PKD1: variants seen among roughly 807,000 people sequenced by gnomAD.
PKD1 encodes polycystin 1, transient receptor potential channel interacting.
In PKD1, 81 loss-of-function variants were observed where a neutral mutation model predicts 361.7. The observed-to-expected ratio is 0.22, with a 90% CI of 0.19 to 0.27. The LOEUF is 0.27. Among genes scored for constraint, PKD1 ranks in the 10% least tolerant of loss-of-function variants. The pLI, the probability that PKD1 is intolerant of heterozygous loss-of-function variation, is 1.00. For missense variants in PKD1, 6,399 were observed against 6,118.3 expected, an observed-to-expected ratio of 1.05 and a Z score of -1.53; for synonymous variants, 3,615 against 2,818.3, an observed-to-expected ratio of 1.28 and a Z score of -8.95.
At position 2,111,641 on chromosome 16, in the gene PKD1, C is replaced by A; in HGVS notation, c.3526G>T (p.Ala1176Ser). The change falls in exon 15 of 46, where the codon GCT becomes TCT. Residue 1176 changes from alanine to serine, a missense_variant. Coordinates refer to ENST00000262304, the MANE Select transcript of PKD1 (RefSeq NM_001009944.3). Reference protein sequence around the residue: ...GSPVLTQSQPAANHTYASRGT... With the variant: ...GSPVLTQSQPSANHTYASRGT... Reference sequence around the variant, plus strand: ...CTCGAGGCATAGGTGTGGTTGGCAGCCGGCTGGCTCTGGGTCAGGACAGGG... The same window carrying A: ...CTCGAGGCATAGGTGTGGTTGGCAGACGGCTGGCTCTGGGTCAGGACAGGG... The A allele has an allele frequency of 1.3e-6, 2 of 1,573,422 alleles. No individual in the cohort carries two copies. Among genetic ancestry groups the A allele is most frequent in the Non-Finnish European group, 1.7e-6 (2 of 1,160,814 alleles).
chr16:2,107,963 G>A lies in PKD1; in HGVS notation c.6985C>T (p.Arg2329Trp), dbSNP rs200433577. 76 of 1,547,978 alleles carry A rather than the reference G, an allele frequency of 4.9e-5. No individual in the cohort carries two copies. The highest frequency in any genetic ancestry group is 7.8e-5 in the Admixed American group (4 of 51,056). ...GTGTACTCCACGCCAGCCGCCAGCC[G>A]CTCCCGTGGAATGGTGACCGTGCTG... ...GSSTVTIPRERLAAGVEYTFS... is the reference protein window; with the variant it reads ...GSSTVTIPREWLAAGVEYTFS... Residue 2329 changes from arginine to tryptophan, a missense_variant, in exon 16 of 46, where the codon CGG (arginine) becomes TGG (tryptophan). Coordinates refer to ENST00000262304, the MANE Select transcript of PKD1 (RefSeq NM_001009944.3).
In PKD1 at chr16:2,109,388, T is replaced by C. The variant is rs1454041267; in HGVS notation, c.5779A>G (p.Asn1927Asp). The C allele has an allele frequency of 1.3e-6, 2 of 1,597,604 alleles. No homozygotes were observed. The highest frequency in any genetic ancestry group is 1.7e-6 in the Non-Finnish European group (2 of 1,177,516). ...VTFRLQVGGA[N>D]PEVLPGPRFS... ...CGGGGCCCGGGGAGCACCTCGGGGT[T>C]GGCCCCGCCGACCTGCAGGCGGAAG... Residue 1927 changes from asparagine (N) to aspartate (D), a missense_variant, in exon 15 of 46, where the codon AAC (asparagine) becomes GAC (aspartate). Transcript: ENST00000262304.
chr16:2,105,957 G>C lies in PKD1; in HGVS notation c.7771C>G (p.Leu2591Val), dbSNP rs776694943. ...AGCCCTGGGAGCACACTAGCGGTGA[G>C]CCCGTGCAGCCAGACTGTGAGCCCC... ...ATGLTVWLHG[L>V]TASVLPGLLR... The change falls in exon 20 of 46, where the codon CTC (leucine) becomes GTC (valine). Residue 2591 changes from leucine to valine, a missense_variant. By Grantham distance (32) the Leu-to-Val change is conservative (BLOSUM62 1). Coordinates refer to ENST00000262304, the MANE Select transcript of PKD1 (RefSeq NM_001009944.3). The C allele has an allele frequency of 3.9e-5, 63 of 1,599,576 alleles. No individual in the cohort carries two copies. The highest frequency in any genetic ancestry group is 5.3e-5 in the Non-Finnish European group (63 of 1,179,564).
chr16:2,105,684 C>A, intron 20 of PKD1, 181 bp downstream of exon 20: 3 of 1,333,298 alleles, frequency 2.3e-6, no homozygotes, highest in Non-Finnish European at 3.1e-6. Flanking sequence ...AAAGCAGACG[C>A]CGGAGAGGGC....
intron 1 of PKD1, chr16:2,119,991 C>T (rs1028334715): frequency 6.7e-6 from 4 of 594,756 alleles, no homozygotes; most frequent in African/African-American, 1.9e-5. Context: ...ACGGAAGGAT[C>T]GCCTGGGCCC....
At chr16:2,130,544 C>A (rs1445727333) in intron 1 of PKD1, among the ~76,000 whole-genome samples, 1 of 152,218 alleles carries the variant, frequency 6.6e-6, no homozygotes, top group Non-Finnish European at 1.5e-5. Flanking sequence ...CTGCTGAGGG[C>A]TCATGGAGGC....
chr16:2,091,983 G>A (rs199952780), intron 40 of PKD1, 64 bp downstream of exon 40: 14 of 1,612,124 alleles, frequency 8.7e-6, no homozygotes, highest in South Asian at 5.5e-5. Flanking sequence ...AGGAGGCCGC[G>A]GCACTCCTGG....
chr16:2,119,206 G>C (rs187091436), intron 2 of PKD1, 21 bp from the exon 3 acceptor site: 28 of 1,555,722 alleles, frequency 1.8e-5, no homozygotes, highest in Non-Finnish European at 2.3e-5. Context: ...CGGGGGATTC[G>C]GCAAAGCTGA....
In PKD1 at chr16:2,090,301, A is replaced by C; in HGVS notation, c.12428T>G (p.Leu4143Arg). The C allele has an allele frequency of 6.2e-7, 1 of 1,610,238 alleles. No homozygotes were observed. Among genetic ancestry groups the C allele is most frequent in the Non-Finnish European group, 8.5e-7 (1 of 1,178,290 alleles). ...FLRRLRLWMGLSKVKEFRHKV... is the reference protein window; with the variant it reads ...FLRRLRLWMGRSKVKEFRHKV... ...CGTACCCACCTCCTTGACCTTGCTGAGGCCCATCCAGAGGCGCAGCCTGCG... is the reference window on the plus strand; with the variant it reads ...CGTACCCACCTCCTTGACCTTGCTGCGGCCCATCCAGAGGCGCAGCCTGCG... Residue 4143 changes from leucine (L) to arginine (R), a missense_variant, in exon 45 of 46, where the codon CTC becomes CGC. Physicochemically the swap from Leu to Arg is moderately radical, Grantham distance 102 (BLOSUM62 -2). Transcript: ENST00000262304.
chr16:2,111,793 G>A lies in PKD1; in HGVS notation c.3374C>T (p.Ser1125Phe), dbSNP rs766126548. The change falls in exon 15 of 46, where the codon TCC becomes TTC. Residue 1125 changes from serine to phenylalanine, a missense_variant. Transcript: ENST00000262304. Reference sequence around the variant, plus strand: ...CACACCCACAGCCACGGAGGGCAGGGAGGCGCGCACGCTCACAGGCACCTG... The same window carrying A: ...CACACCCACAGCCACGGAGGGCAGGAAGGCGCGCACGCTCACAGGCACCTG... ...TQQVPVSVRA[S>F]LPSVAVGVSD... is the part of the protein sequence containing the mutation. 1 of 1,609,294 alleles carries A rather than the reference G, an allele frequency of 6.2e-7. No individual in the cohort carries two copies.
chr16:2,131,048 G>A (rs1266416003), intron 1 of PKD1, among the ~76,000 whole-genome samples: 6 of 152,152 alleles, frequency 3.9e-5, no homozygotes, highest in South Asian at 2.1e-4. Context: ...ATGGGATGTC[G>A]GCTCCAACGA....
At position 2,100,859 on chromosome 16, in the gene PKD1, T is replaced by G. The variant is rs1215137067; in HGVS notation, c.9398-293A>C. 4.9e-5 allele frequency: 24 copies of G among 494,770 alleles called. No individual in the cohort carries two copies. The highest frequency in any genetic ancestry group is 8.5e-5 in the Non-Finnish European group (23 of 269,496). 30.6% of individuals were successfully genotyped at this position (494,770 alleles called of 1,614,324 possible). A position where few individuals can be genotyped will look rare whatever the true frequency, so the allele number is the denominator to read the frequency against. On this transcript the variant is annotated intron_variant, in intron 26 of 45. Transcript: ENST00000262304. This position sits in a 1 kb window ranked among gnomAD's most constrained non-coding sequence, Gnocchi z 4.4. Reference sequence around the variant, plus strand: ...CAACCAGTGACCCGCACTGCACACCTGTCCACGCCTCAGTCATGCCACAAC... The same window carrying G: ...CAACCAGTGACCCGCACTGCACACCGGTCCACGCCTCAGTCATGCCACAAC...
intron 34 of PKD1, among the ~76,000 whole-genome samples, chr16:2,096,547 C>T (rs1280345938): frequency 6.6e-6 from 1 of 152,108 alleles, no homozygotes; most frequent in Non-Finnish European, 1.5e-5. Flanking sequence ...CGGAGTTTCG[C>T]TCTTGTTGCC....
chr16:2,115,404 G>A lies in PKD1; in HGVS notation c.2071C>T (p.Pro691Ser). Residue 691 changes from proline to serine, a missense_variant, in exon 10 of 46, where the codon CCC becomes TCC. By Grantham distance (74) the Pro-to-Ser change is moderately conservative. Coordinates refer to ENST00000262304, the MANE Select transcript of PKD1 (RefSeq NM_001009944.3). ...GAGTACTGCGCGGGGGGCCCCGCGG[G>A]AACGGAGAAGAGGAACTCTCTCCAT... is the stretch of plus-strand genomic sequence containing the variant. ...ALWREFLFSV[P>S]AGPPAQYSVT... 6.4e-7 allele frequency: 1 copy of A among 1,567,126 alleles called. No individual in the cohort carries two copies. The highest frequency in any genetic ancestry group is 2.3e-5 in the East Asian group (1 of 42,720).
In PKD1 at chr16:2,114,584, G is replaced by A. The variant is rs746720158; in HGVS notation, c.2439C>T (p.Cys813=). 2.5e-6 allele frequency: 4 copies of A among 1,593,732 alleles called. No individual in the cohort carries two copies. The highest frequency in any genetic ancestry group is 3.3e-5 in the Admixed American group (2 of 59,764). ...GNGVSRHNLS[C]SFDVVSPVAG... ...CCACTGGGGAGACCACGTCAAAGCT[G>A]CAGGAGAGGTTGTGCCTGGACACGC... Residue 813 remains cysteine (C), a synonymous_variant, in exon 11 of 46, where the codon TGC becomes TGT. Coordinates refer to ENST00000262304, the MANE Select transcript of PKD1 (RefSeq NM_001009944.3).
At chr16:2,113,914 A>G in intron 11 of PKD1, 2 of 568,644 alleles carry the variant, frequency 3.5e-6, no homozygotes, top group East Asian at 5.9e-5. Flanking sequence ...GAGGTCAGGG[A>G]GCAGAGTTTT....
intron 16 of PKD1, chr16:2,107,598 G>A (rs992933714): frequency 1.7e-5 from 9 of 525,628 alleles, no homozygotes; most frequent in Middle Eastern, 5.3e-4. Context: ...TGGGGACAGT[G>A]GCTACCTCTG....
chr16:2,122,063 G>C (rs1442249805), intron 1 of PKD1, among the ~76,000 whole-genome samples: 1 of 152,220 alleles, frequency 6.6e-6, no homozygotes. Context: ...TGGGGCCCGG[G>C]GCCAGGGCAA....
Position 2,114,382 on chromosome 16 carries a change from A to C in PKD1, c.2641T>G (p.Phe881Val). 1 of 1,608,992 alleles carries C rather than the reference A, an allele frequency of 6.2e-7. No individual in the cohort carries two copies. The highest frequency in any genetic ancestry group is 8.5e-7 in the Non-Finnish European group (1 of 1,179,608). Residue 881 changes from phenylalanine to valine, a missense_variant, in exon 11 of 46, where the codon TTC becomes GTC. Physicochemically the swap from Phe to Val is conservative, Grantham distance 50. Transcript: ENST00000262304. The part of the protein sequence containing the change: ...ENVCPALVAT[F>V]VPGCPWETND... ...GTCTCCCAGGGGCAGCCGGGCACGA[A>C]GGTGGCCACCAGGGCAGGGCAGACA...
Sources: allele counts gnomAD v4.1 joint callset (sites outside exome capture counted in the v4.1 genomes callset), GRCh38; gene constraint gnomAD v4.1.1; non-coding constraint Gnocchi (gnomAD v3.1); transcripts MANE v1.5; gene names NCBI Gene and HGNC (gene_info 2026-07-23, HGNC 2026-07-21).